The following KDM4C variants were observed in gnomAD, a reference collection of about 807,000 sequenced individuals.
KDM4C encodes lysine demethylase 4C.
In KDM4C, 81 loss-of-function variants were observed where a neutral mutation model predicts 129.3. That is an observed-to-expected ratio of 0.63 (90% CI 0.52 to 0.75). The LOEUF is 0.75. KDM4C is among the 30% of genes least tolerant of loss of function. KDM4C has a pLI of 0.00. For missense variants in KDM4C, 1,457 were observed against 1,304.0 expected, an observed-to-expected ratio of 1.12 and a Z score of -1.81; for synonymous variants, 573 against 456.1, an observed-to-expected ratio of 1.26 and a Z score of -3.26.
chr9:7,169,902 C>A lies in KDM4C; in HGVS notation c.2994+12C>A. On this transcript the variant is annotated intron_variant, in intron 21 of 21. Transcript: ENST00000381309. Reference sequence around the variant, plus strand: ...TGAAAGCTCGATTTGTAAGTGCTGGCAGATGCCACTTGGGGACCTGCCAAG... The same window carrying A: ...TGAAAGCTCGATTTGTAAGTGCTGGAAGATGCCACTTGGGGACCTGCCAAG... The A allele has an allele frequency of 6.8e-6, 11 of 1,613,818 alleles. No individual in the cohort carries two copies. Among genetic ancestry groups the A allele is most frequent in the Non-Finnish European group, 9.3e-6 (11 of 1,179,810 alleles).
chr9:6,870,719 C>A (rs1842714521), intron 5 of KDM4C, among the ~76,000 whole-genome samples: 1 of 151,876 alleles, frequency 6.6e-6, no homozygotes, highest in Non-Finnish European at 1.5e-5. Context: ...AAAAAATTGT[C>A]CTTGAGGTAC....
intron 21 of KDM4C, among the ~76,000 whole-genome samples, chr9:7,171,437 A>G (rs932979249): frequency 1.3e-5 from 2 of 152,070 alleles, no homozygotes; most frequent in Admixed American, 6.6e-5. Context: ...CTCGTTCTGT[A>G]TTCCTGTCTT....
intron 4 of KDM4C, chr9:6,834,408 C>T: frequency 2.5e-6 from 1 of 403,432 alleles, no homozygotes; most frequent in Non-Finnish European, 4.8e-6. Flanking sequence ...AGCACAGACC[C>T]TGGCCCTCAC....
intron 17 of KDM4C, among the ~76,000 whole-genome samples, chr9:7,059,580 T>C (rs1040532886): frequency 6.6e-6 from 1 of 152,226 alleles, no homozygotes; most frequent in Non-Finnish European, 1.5e-5. Flanking sequence ...ATGAAGAATG[T>C]CCATGATTAT....
intron 8 of KDM4C, among the ~76,000 whole-genome samples, chr9:6,965,451 C>G (rs1890918): frequency 0.31 from 46,476 of 151,962 alleles, 8,232 homozygotes; most frequent in East Asian, 0.72. Context: ...TTAGGGTTCT[C>G]CAGACTAACA....
chr9:7,088,280 G>A (rs1835383909), intron 17 of KDM4C, among the ~76,000 whole-genome samples: 1 of 152,190 alleles, frequency 6.6e-6, no homozygotes, highest in Admixed American at 6.5e-5. Flanking sequence ...TGGGACCTAG[G>A]AGAAATGCTG....
intron 1 of KDM4C, among the ~76,000 whole-genome samples, chr9:6,749,176 C>T (rs546964894): frequency 5.9e-5 from 9 of 152,284 alleles, no homozygotes; most frequent in African/African-American, 1.9e-4. Context: ...TGCACCACCA[C>T]GCCCGGCTAA....
chr9:6,747,323 G>A (rs561724430), intron 1 of KDM4C, among the ~76,000 whole-genome samples: 10 of 151,972 alleles, frequency 6.6e-5, no homozygotes, highest in Admixed American at 1.3e-4. Flanking sequence ...CGAGAGGGGC[G>A]GATCGCGAGG....
chr9:6,971,350 A>T (rs1235290209), intron 8 of KDM4C, among the ~76,000 whole-genome samples: 3 of 152,232 alleles, frequency 2.0e-5, no homozygotes, highest in Admixed American at 6.5e-5. Context: ...GGATTTAAAT[A>T]TATTAAAAGT....
intron 8 of KDM4C, among the ~76,000 whole-genome samples, chr9:6,929,513 A>G (rs1157470319): frequency 7.0e-6 from 1 of 143,126 alleles, no homozygotes; most frequent in African/African-American, 2.6e-5. Context: ...GTAAGGAAGG[A>G]CAGTGTATGT....
At chr9:6,835,441 G>A in intron 4 of KDM4C, 2 of 1,183,692 alleles carry the variant, frequency 1.7e-6, no homozygotes, top group Middle Eastern at 1.9e-4. Flanking sequence ...CAAGATCATT[G>A]CTCCTCCTGA....
At chr9:6,914,953 A>G (rs929436787) in intron 8 of KDM4C, among the ~76,000 whole-genome samples, 3 of 152,360 alleles carry the variant, frequency 2.0e-5, no homozygotes, top group Non-Finnish European at 4.4e-5. Context: ...CAAATGTACT[A>G]AGACAGAGTC....
chr9:7,067,065 GAACC>G (rs1468203974), intron 17 of KDM4C, among the ~76,000 whole-genome samples: 1 of 152,156 alleles, frequency 6.6e-6, no homozygotes, highest in Non-Finnish European at 1.5e-5. Flanking sequence ...GAAAATGAAG[GAACC>G]AGCAACACAA....
intron 4 of KDM4C, among the ~76,000 whole-genome samples, chr9:6,843,725 T>C (rs1327987965): frequency 6.6e-6 from 1 of 152,244 alleles, no homozygotes; most frequent in Non-Finnish European, 1.5e-5. Flanking sequence ...TCGGTTACTC[T>C]TTCAGATTGA....
At chr9:7,032,213 C>T (rs1352198926) in intron 15 of KDM4C, among the ~76,000 whole-genome samples, 1 of 152,232 alleles carries the variant, frequency 6.6e-6, no homozygotes, top group Non-Finnish European at 1.5e-5. Flanking sequence ...TAGATGGAGG[C>T]ACATCTCGTA....
At chr9:7,145,748 G>A (rs7872232) in intron 19 of KDM4C, among the ~76,000 whole-genome samples, 29,920 of 152,154 alleles carry the variant, frequency 0.2, 3,199 homozygotes, top group Middle Eastern at 0.34. Flanking sequence ...ACTCTCTTTC[G>A]CTTAAGTTTC....
chr9:6,996,202 G>C lies in KDM4C; in HGVS notation c.1786+5678G>C, dbSNP rs565072057. Reference sequence around the variant, plus strand: ...TCACAAATGTTTTAAGCCATGGCAAGCTTCTTCTCACTAGCATTCTTATCA... The same window carrying C: ...TCACAAATGTTTTAAGCCATGGCAACCTTCTTCTCACTAGCATTCTTATCA... On this transcript the variant is annotated intron_variant, in intron 12 of 21. Transcript: ENST00000381309. 3.9e-5 allele frequency among the ~76,000 whole-genome samples: 6 copies of C among 152,314 alleles called. No individual in the cohort carries two copies. In the South Asian group the frequency reaches 6.2e-4, roughly 16 times the overall value.
intron 1 of KDM4C, among the ~76,000 whole-genome samples, chr9:6,772,304 C>T (rs537790474): frequency 1.7e-3 from 260 of 151,712 alleles, no homozygotes; most frequent in African/African-American, 6.0e-3. Flanking sequence ...TGCCTGCCAC[C>T]ATGCCTGGCT....
chr9:7,154,214 G>T (rs771180970), intron 19 of KDM4C, among the ~76,000 whole-genome samples: 1 of 152,204 alleles, frequency 6.6e-6, no homozygotes, highest in Non-Finnish European at 1.5e-5. Flanking sequence ...TACTTACGTG[G>T]CTGTCTGTCA....
Sources: gnomAD v4.1 joint callset for allele counts (sites outside exome capture counted in the v4.1 genomes callset) on GRCh38, gnomAD v4.1.1 for gene constraint, MANE v1.5 for transcripts, NCBI Gene and HGNC (gene_info 2026-07-23, HGNC 2026-07-21) for gene names.